The following PPP2CB variants were observed in gnomAD, a reference collection of about 807,000 sequenced individuals.
PPP2CB encodes serine/threonine-protein phosphatase 2A catalytic subunit beta isoform.
PPP2CB carries 18 observed loss-of-function variants against 39.1 expected under a neutral mutation model. The ratio of observed to expected loss-of-function variants is 0.46; its 90% confidence interval spans 0.32 to 0.68. PPP2CB has a LOEUF of 0.68. Among genes scored for constraint, PPP2CB ranks in the 30% least tolerant of loss-of-function variants. The probability of loss-of-function intolerance (pLI) is 0.04; values close to 1 mark genes in which losing one functional copy is unlikely to be tolerated. For missense variants in PPP2CB, 226 were observed against 396.9 expected (o/e 0.57, Z 3.66); for synonymous variants, 129 against 133.8 (o/e 0.96, Z 0.25).
At chr8:30,804,511 G>A (rs1323452292) in intron 1 of PPP2CB, among the ~76,000 whole-genome samples, 4 of 152,164 alleles carry the variant, frequency 2.6e-5, no homozygotes, top group Non-Finnish European at 4.4e-5. Context: ...CTGCCCTTAT[G>A]AGTCTTTTCC....
intron 6 of PPP2CB, 141 bp downstream of exon 6, chr8:30,791,056 G>T: frequency 3.5e-6 from 2 of 568,192 alleles, no homozygotes; most frequent in Admixed American, 3.7e-5. Flanking sequence ...TAAAAATAAT[G>T]TTCTCCAGCT....
In PPP2CB at chr8:30,812,774, C is replaced by A; in HGVS notation, c.-353G>T. The A allele has an allele frequency of 2.1e-6, 1 of 468,332 alleles. No individual in the cohort carries two copies. The allele number at this position is 468,332 out of a possible 1,614,324, so 29.0% of individuals were successfully genotyped here. A position where few individuals can be genotyped will look rare whatever the true frequency, so the allele number is the denominator to read the frequency against. ...GCCGCCCGCTGCCGCTTCAGGCCCG[C>A]CTCACGCCTACCGGCCTCTCCCGAC... On this transcript the variant is annotated 5_prime_UTR_variant, in exon 1 of 7. Coordinates refer to ENST00000221138, the MANE Select transcript of PPP2CB (RefSeq NM_001009552.2).
chr8:30,795,422 A>G lies in PPP2CB; in HGVS notation c.487-1141T>C, dbSNP rs1339385574. The stretch of plus-strand genomic sequence containing the variant: ...GAGCCACCTCACCTGGCCTGATGAG[A>G]AGGTTTCTAATGTTTAGCTGATAGT... On this transcript the variant is annotated intron_variant, in intron 3 of 6. Transcript: ENST00000221138. Among the ~76,000 whole-genome samples the G allele has an allele frequency of 4.6e-5, 7 of 152,148 alleles. No individual in the cohort carries two copies. In the South Asian group the frequency reaches 1.4e-3, roughly 31 times the overall value.
chr8:30,794,473 C>CA, intron 3 of PPP2CB, 192 bp from the exon 4 acceptor site: 2 of 396,848 alleles, frequency 5.0e-6, no homozygotes, highest in Non-Finnish European at 4.4e-6. Context: ...CATTAAATTT[C>CA]TTTTTTTTTT....
intron 5 of PPP2CB, among the ~76,000 whole-genome samples, chr8:30,791,943 T>C (rs189684672): frequency 6.0e-4 from 90 of 149,346 alleles, no homozygotes; most frequent in Middle Eastern, 6.8e-3. Flanking sequence ...TGTATACATG[T>C]ATGTGTGCGC....
At position 30,799,618 on chromosome 8, in the gene PPP2CB, G is replaced by A. The variant is rs1381946376; in HGVS notation, c.240C>T (p.Tyr80=). Residue 80 remains tyrosine (Y), a synonymous_variant, in exon 2 of 7, where the codon TAC becomes TAT. Transcript: ENST00000221138. ...RIGGKSPDTN[Y]LFMGDYVDRG... ...TGTCTACATAGTCACCCATGAATAA[G>A]TAGTTTGTATCCGGTGATTTTCCAC... 1 of 1,613,994 alleles carries A rather than the reference G, an allele frequency of 6.2e-7. No homozygotes were observed. The highest frequency in any genetic ancestry group is 8.5e-7 in the Non-Finnish European group (1 of 1,179,894).
At chr8:30,788,758 C>T (rs1338207742) in intron 6 of PPP2CB, among the ~76,000 whole-genome samples, 4 of 152,208 alleles carry the variant, frequency 2.6e-5, no homozygotes, top group African/African-American at 9.6e-5. Flanking sequence ...AAGTCTTCTC[C>T]TGCCTTCATC....
intron 6 of PPP2CB, among the ~76,000 whole-genome samples, chr8:30,787,087 T>G (rs1043963273): frequency 5.3e-5 from 8 of 152,242 alleles, no homozygotes; most frequent in African/African-American, 1.9e-4. Context: ...TATATTGATT[T>G]TCATGTTTTG....
At chr8:30,790,340 T>C (rs1249105530) in intron 6 of PPP2CB, among the ~76,000 whole-genome samples, 1 of 152,170 alleles carries the variant, frequency 6.6e-6, no homozygotes, top group East Asian at 1.9e-4. Flanking sequence ...TTTTCCCTGG[T>C]GCTATTTGTT....
At chr8:30,806,290 A>C (rs1402893547) in intron 1 of PPP2CB, among the ~76,000 whole-genome samples, 1 of 151,394 alleles carries the variant, frequency 6.6e-6, no homozygotes, top group Non-Finnish European at 1.5e-5. Flanking sequence ...TCCTGACCTC[A>C]TGATCCGCCT....
intron 6 of PPP2CB, among the ~76,000 whole-genome samples, chr8:30,787,079 TATTG>T (rs1271431458): frequency 6.6e-6 from 1 of 152,252 alleles, no homozygotes; most frequent in Non-Finnish European, 1.5e-5. Context: ...TGGTTTATTA[TATTG>T]ATTTTCATGT....
chr8:30,787,102 A>T (rs570776090), intron 6 of PPP2CB, among the ~76,000 whole-genome samples: 2 of 152,340 alleles, frequency 1.3e-5, no homozygotes, highest in East Asian at 3.9e-4. Context: ...GTTTTGAACC[A>T]ACCTAGCATT....
intron 6 of PPP2CB, among the ~76,000 whole-genome samples, chr8:30,788,252 C>CT (rs1806375130): frequency 6.6e-6 from 1 of 151,158 alleles, no homozygotes; most frequent in Admixed American, 6.6e-5. Flanking sequence ...TTCAAATCTT[C>CT]TTGTTTTTTT....
At position 30,812,526 on chromosome 8, in the gene PPP2CB, C is replaced by T; in HGVS notation, c.-105G>A. ...CCCGGGCGCCGCTCCCCTCTCCCTC[C>T]GCCGCCGTCGCCAGGTCCCACAGGG... is the stretch of plus-strand genomic sequence containing the variant. On this transcript the variant is annotated 5_prime_UTR_variant, in exon 1 of 7. Transcript: ENST00000221138. The T allele has an allele frequency of 1.4e-6, 1 of 719,946 alleles. No homozygotes were observed. The allele number at this position is 719,946 out of a possible 1,614,324, so 44.6% of individuals were successfully genotyped here.
chr8:30,791,823 AATGT>A (rs748231120), intron 5 of PPP2CB, among the ~76,000 whole-genome samples: 28 of 151,834 alleles, frequency 1.8e-4, no homozygotes, highest in South Asian at 1.0e-3. Context: ...CATGCTAATT[AATGT>A]ATGTGTATAT....
At position 30,812,548 on chromosome 8, in the gene PPP2CB, A is replaced by G. The variant is rs2128763498; in HGVS notation, c.-127T>C. On this transcript the variant is annotated 5_prime_UTR_variant, in exon 1 of 7. Coordinates refer to ENST00000221138, the MANE Select transcript of PPP2CB (RefSeq NM_001009552.2). ...CTCCGCCGCCGTCGCCAGGTCCCACAGGGGGAGGACTGAGCCGGGTAGGGC... is the reference window on the plus strand; with the variant it reads ...CTCCGCCGCCGTCGCCAGGTCCCACGGGGGGAGGACTGAGCCGGGTAGGGC... The G allele has an allele frequency of 1.8e-6, 1 of 559,190 alleles. No homozygotes were observed. Among genetic ancestry groups the G allele is most frequent in the Non-Finnish European group, 2.7e-6 (1 of 371,586 alleles). 34.6% of individuals were successfully genotyped at this position (559,190 alleles called of 1,614,324 possible).
intron 5 of PPP2CB, among the ~76,000 whole-genome samples, chr8:30,792,103 C>A (rs2128760605): frequency 6.6e-6 from 1 of 152,204 alleles, no homozygotes; most frequent in South Asian, 2.1e-4. Flanking sequence ...GTTGCCCAGG[C>A]TGGAGTGCAG....
intron 1 of PPP2CB, among the ~76,000 whole-genome samples, chr8:30,812,071 C>A (rs1401018523): frequency 2.6e-5 from 4 of 152,072 alleles, no homozygotes; most frequent in East Asian, 1.9e-4. Context: ...CCGAGCCCCC[C>A]ACGCCCGGGA....
chr8:30,804,820 G>A (rs1047914270), intron 1 of PPP2CB, among the ~76,000 whole-genome samples: 6 of 151,990 alleles, frequency 3.9e-5, no homozygotes, highest in Non-Finnish European at 7.4e-5. Context: ...TCTAACTCTC[G>A]CAAAATCCTT....
Sources: gnomAD v4.1 joint callset for allele counts (sites outside exome capture counted in the v4.1 genomes callset) on GRCh38, gnomAD v4.1.1 for gene constraint, MANE v1.5 for transcripts, NCBI Gene and HGNC (gene_info 2026-07-23, HGNC 2026-07-21) for gene names.